The following PLBD1 variants were observed in gnomAD, a reference collection of about 807,000 sequenced individuals.
The protein encoded by PLBD1 is phospholipase B domain containing 1, also known as lysosomal leucine aminopeptidase.
Under a neutral mutation model 63.0 loss-of-function variants are expected in PLBD1, and 60 were observed. The ratio of observed to expected loss-of-function variants is 0.95; its 90% CI spans 0.77 to 1.18. The LOEUF is 1.18. Among genes scored for constraint, PLBD1 ranks in the 50% most tolerant of loss-of-function variants. The pLI, the probability that PLBD1 is intolerant of heterozygous loss-of-function variation, is 0.00. For synonymous variants in PLBD1, 262 were observed against 248.0 expected, an observed-to-expected ratio of 1.06 and a Z score of -0.53; for missense variants, 598 against 677.9, an observed-to-expected ratio of 0.88 and a Z score of 1.31.
chr12:14,505,189 TGA>T (rs1945243860), intron 10 of PLBD1, among the ~76,000 whole-genome samples: 1 of 151,718 alleles, frequency 6.6e-6, no homozygotes, highest in African/African-American at 2.4e-5. Context: ...AAAAGAAGGT[TGA>T]GCTGGAACTT....
At chr12:14,505,310 T>C (rs1945244949) in intron 10 of PLBD1, among the ~76,000 whole-genome samples, 1 of 152,156 alleles carries the variant, frequency 6.6e-6, no homozygotes, top group African/African-American at 2.4e-5. Context: ...ATACACACTT[T>C]ACCCTGACAG....
chr12:14,559,290 T>C (rs1299988833), intron 1 of PLBD1, among the ~76,000 whole-genome samples: 1 of 152,204 alleles, frequency 6.6e-6, no homozygotes, highest in Non-Finnish European at 1.5e-5. Flanking sequence ...ATCTAGTTTG[T>C]GTGTGTTCTC....
intron 2 of PLBD1, among the ~76,000 whole-genome samples, chr12:14,551,165 C>A (rs1217863916): frequency 6.6e-6 from 1 of 152,140 alleles, no homozygotes; most frequent in Non-Finnish European, 1.5e-5. Flanking sequence ...GAGTTCGAGA[C>A]CAGCCTGGCC....
intron 6 of PLBD1, among the ~76,000 whole-genome samples, chr12:14,512,566 C>A (rs1335828360): frequency 6.6e-6 from 1 of 152,148 alleles, no homozygotes; most frequent in Admixed American, 6.5e-5. Flanking sequence ...GGAGGCAACA[C>A]AGGAAAATCA....
intron 2 of PLBD1, among the ~76,000 whole-genome samples, chr12:14,551,771 C>A (rs1945661310): frequency 6.6e-6 from 1 of 152,182 alleles, no homozygotes; most frequent in African/African-American, 2.4e-5. Flanking sequence ...TATATTCACA[C>A]AACTTTGGTT....
At chr12:14,517,944 G>C (rs1454722381) in intron 6 of PLBD1, among the ~76,000 whole-genome samples, 2 of 152,192 alleles carry the variant, frequency 1.3e-5, no homozygotes, top group Non-Finnish European at 2.9e-5. Flanking sequence ...ACTTTGGGAG[G>C]CTGAGGCAGG....
At chr12:14,559,924 G>A (rs1363136188) in intron 1 of PLBD1, among the ~76,000 whole-genome samples, 9 of 151,098 alleles carry the variant, frequency 6.0e-5, no homozygotes, top group African/African-American at 2.2e-4. Flanking sequence ...GCAATGGTGC[G>A]ATCTTGGCTC....
intron 2 of PLBD1, among the ~76,000 whole-genome samples, chr12:14,545,378 C>T (rs545964277): frequency 2.3e-4 from 35 of 152,370 alleles, no homozygotes; most frequent in African/African-American, 8.4e-4. Context: ...GGCCAAGGGC[C>T]AGCAGATCCA....
chr12:14,534,807 G>A (rs1319786605), intron 6 of PLBD1, among the ~76,000 whole-genome samples: 1 of 152,208 alleles, frequency 6.6e-6, no homozygotes, highest in African/African-American at 2.4e-5. Flanking sequence ...CTCCCAAAGT[G>A]TTGGGATTAT....
rs1271488265 is a variant in PLBD1 at position 14,503,670 on chromosome 12, C to A, written c.*102G>T. On this transcript the variant is annotated 3_prime_UTR_variant, in exon 11 of 11. Transcript: ENST00000240617. ...CAAAGTCAGTGGGAAATGAAAGTGACAAATTAATATATTTTATTGCATAAT... is the reference window on the plus strand; with the variant it reads ...CAAAGTCAGTGGGAAATGAAAGTGAAAAATTAATATATTTTATTGCATAAT... 4.2e-6 allele frequency: 5 copies of A among 1,182,854 alleles called. No homozygotes were observed. Among genetic ancestry groups the A allele is most frequent in the African/African-American group, 3.1e-5 (2 of 64,282 alleles). The allele number at this position is 1,182,854 out of a possible 1,614,324, so 73.3% of individuals were successfully genotyped here.
chr12:14,510,047 G>T (rs879360684), intron 8 of PLBD1, among the ~76,000 whole-genome samples: 4 of 152,192 alleles, frequency 2.6e-5, no homozygotes, highest in Non-Finnish European at 5.9e-5. Flanking sequence ...GTCTCTTTGG[G>T]AAACACCTCA....
At chr12:14,513,739 A>G (rs1945316760) in intron 6 of PLBD1, among the ~76,000 whole-genome samples, 1 of 151,716 alleles carries the variant, frequency 6.6e-6, no homozygotes, top group South Asian at 2.1e-4. Flanking sequence ...TTTCTTGAGT[A>G]GGAAAGTTAC....
intron 1 of PLBD1, among the ~76,000 whole-genome samples, chr12:14,558,022 C>A (rs2136933863): frequency 1.7e-5 from 2 of 120,414 alleles, no homozygotes; most frequent in African/African-American, 3.2e-5. Flanking sequence ...AATTGTGGTA[C>A]ATATACACAA....
rs1272410702 is a variant in PLBD1, at chr12:14,511,279, T to C, written c.1167A>G (p.Gln389=). Residue 389 remains glutamine (Q), a synonymous_variant, in exon 8 of 11, where the codon CAA becomes CAG. Coordinates refer to ENST00000240617, the MANE Select transcript of PLBD1 (RefSeq NM_024829.6). The part of the protein sequence containing the change: ...QIPTYVEYSE[Q]TDVLRKGYWP... Reference sequence around the variant, plus strand: ...AAGTACCTTTCCGTAGAACATCAGTTTGTTCAGAATATTCTACATATGTAG... The same window carrying C: ...AAGTACCTTTCCGTAGAACATCAGTCTGTTCAGAATATTCTACATATGTAG... 43 of 1,597,106 alleles carry C rather than the reference T, an allele frequency of 2.7e-5. No individual in the cohort carries two copies. Among genetic ancestry groups the C allele is most frequent in the Non-Finnish European group, 3.7e-5 (43 of 1,175,002 alleles).
intron 4 of PLBD1, among the ~76,000 whole-genome samples, chr12:14,539,092 C>A (rs144925364): frequency 2.5e-3 from 374 of 152,224 alleles, no homozygotes; most frequent in Non-Finnish European, 3.6e-3. Context: ...TATTTCCAAT[C>A]TCATAGGTGC....
At chr12:14,553,597 G>T in intron 1 of PLBD1, 185 bp from the exon 2 acceptor site, 2 of 616,564 alleles carry the variant, frequency 3.2e-6, no homozygotes, top group East Asian at 5.5e-5. Context: ...CCAATCAAGG[G>T]GGATAAGCCC....
chr12:14,565,473 A>T (rs1188799085), intron 1 of PLBD1, among the ~76,000 whole-genome samples: 2 of 141,058 alleles, frequency 1.4e-5, no homozygotes, highest in Admixed American at 7.1e-5. Context: ...AAATAATAGT[A>T]AAAAAAAAAA....
chr12:14,514,795 GC>G (rs1292535526), intron 6 of PLBD1, among the ~76,000 whole-genome samples: 44 of 151,296 alleles, frequency 2.9e-4, no homozygotes, highest in African/African-American at 9.2e-4. Context: ...CTGGTGTCGA[GC>G]TTTAGAGTTC....
chr12:14,515,562 T>C (rs1376687171), intron 6 of PLBD1, among the ~76,000 whole-genome samples: 2 of 152,188 alleles, frequency 1.3e-5, no homozygotes, highest in Non-Finnish European at 2.9e-5. Flanking sequence ...TGTTTTTATA[T>C]ACTTCAGCTT....
Sources: gnomAD v4.1 joint callset for allele counts (sites outside exome capture counted in the v4.1 genomes callset) on GRCh38, gnomAD v4.1.1 for gene constraint, MANE v1.5 for transcripts, NCBI Gene and HGNC (gene_info 2026-07-23, HGNC 2026-07-21) for gene names.